Variants in BAZ2B observed in about 807,000 individuals in gnomAD.
The protein encoded by BAZ2B is bromodomain adjacent to zinc finger domain 2B.
Under a neutral mutation model 246.0 loss-of-function variants are expected in BAZ2B, and 91 were observed. The observed-to-expected ratio is 0.37, with a 90% CI of 0.31 to 0.44. BAZ2B has a LOEUF of 0.44. Among genes scored for constraint, BAZ2B ranks in the 20% least tolerant of loss-of-function variants. BAZ2B has a pLI of 1.00. For synonymous variants in BAZ2B, 855 were observed against 860.0 expected (o/e 0.99, Z 0.10); for missense variants, 2,332 against 2,533.7 (o/e 0.92, Z 1.71).
chr2:159,489,388 C>T (rs72965170), intron 2 of BAZ2B, among the ~76,000 whole-genome samples: 40,736 of 151,876 alleles, frequency 0.27, 6,893 homozygotes, highest in Non-Finnish European at 0.38. Context: ...AAATAAGCAT[C>T]GAAAAACAGT....
intron 27 of BAZ2B, 60 bp downstream of exon 27, chr2:159,372,985 C>G: frequency 6.7e-7 from 1 of 1,494,404 alleles, no homozygotes; most frequent in Non-Finnish European, 9.0e-7. Context: ...GAAGAAGTAA[C>G]AGAGTTTTAA....
intron 36 of BAZ2B, among the ~76,000 whole-genome samples, 161 bp from the exon 37 acceptor site, chr2:159,320,579 A>G (rs1405943247): frequency 6.6e-6 from 1 of 152,228 alleles, no homozygotes; most frequent in Non-Finnish European, 1.5e-5. Context: ...TGGAACATTT[A>G]AACATTTTTG....
chr2:159,709,585 T>C, the BAZ2B span, among the ~76,000 whole-genome samples: 1 of 152,220 alleles, frequency 6.6e-6, no homozygotes, highest in South Asian at 2.1e-4. Context: ...ACAAATATTA[T>C]GTATCAATAA....
the BAZ2B span, among the ~76,000 whole-genome samples, chr2:159,622,322 G>A: frequency 4.7e-5 from 7 of 147,660 alleles, no homozygotes; most frequent in African/African-American, 1.2e-4. Context: ...CTGGGTATTC[G>A]TAAGAAAAAG....
chr2:159,547,902 A>G (rs1245578807), intron 2 of BAZ2B, among the ~76,000 whole-genome samples: 1 of 152,192 alleles, frequency 6.6e-6, no homozygotes. Context: ...AAAAGAAGCT[A>G]AACTTATATC....
chr2:159,599,259 T>A (rs1184834627), intron 1 of BAZ2B, among the ~76,000 whole-genome samples: 1 of 152,166 alleles, frequency 6.6e-6, no homozygotes, highest in Non-Finnish European at 1.5e-5. Flanking sequence ...GGTCCCTGTC[T>A]TACAGGGACT....
At chr2:159,401,253 G>T (rs1165449513) in intron 16 of BAZ2B, among the ~76,000 whole-genome samples, 2 of 152,138 alleles carry the variant, frequency 1.3e-5, no homozygotes, top group South Asian at 2.1e-4. Flanking sequence ...ATAGATATTT[G>T]CAGTTACAAA....
intron 2 of BAZ2B, among the ~76,000 whole-genome samples, chr2:159,489,738 C>A (rs1032097240): frequency 1.3e-5 from 2 of 151,842 alleles, no homozygotes; most frequent in Admixed American, 1.3e-4. Flanking sequence ...CCCATCCCTA[C>A]TAAATTTAAA....
At chr2:159,387,578 G>A (rs115098435) in intron 21 of BAZ2B, among the ~76,000 whole-genome samples, 1 of 152,044 alleles carries the variant, frequency 6.6e-6, no homozygotes, top group South Asian at 2.1e-4. Context: ...ATAGATAATA[G>A]CTCATCTCAT....
intron 30 of BAZ2B, 130 bp downstream of exon 30, chr2:159,348,548 A>G (rs1559049251): frequency 9.1e-7 from 1 of 1,095,322 alleles, no homozygotes; most frequent in East Asian, 2.6e-5. Flanking sequence ...TTGATCTGCG[A>G]TTGGTTGAAT....
At chr2:159,351,706 C>T (rs1446550702) in intron 27 of BAZ2B, among the ~76,000 whole-genome samples, 1 of 152,120 alleles carries the variant, frequency 6.6e-6, no homozygotes, top group African/African-American at 2.4e-5. Context: ...GGCTGAATAT[C>T]TTTTCATAGG....
At chr2:159,702,559 T>C in the BAZ2B span, among the ~76,000 whole-genome samples, 1 of 152,162 alleles carries the variant, frequency 6.6e-6, no homozygotes, top group African/African-American at 2.4e-5. Context: ...TTATCAGTAA[T>C]AACAAAATAG....
chr2:159,471,642 G>C (rs2077815714), intron 3 of BAZ2B, among the ~76,000 whole-genome samples: 1 of 152,026 alleles, frequency 6.6e-6, no homozygotes, highest in African/African-American at 2.4e-5. Context: ...TTTAGGATGG[G>C]TGATACTAAG....
chr2:159,594,027 T>C (rs1578743519), intron 1 of BAZ2B, among the ~76,000 whole-genome samples: 2 of 152,314 alleles, frequency 1.3e-5, no homozygotes, highest in Admixed American at 1.3e-4. Context: ...CCACTATCCA[T>C]TTCCAGGCCT....
At chr2:159,703,856 C>T in the BAZ2B span, among the ~76,000 whole-genome samples, 7 of 152,242 alleles carry the variant, frequency 4.6e-5, no homozygotes, top group South Asian at 1.5e-3. Flanking sequence ...CAGAACAAGA[C>T]CCTGTCTCAA....
chr2:159,388,053 C>T (rs2062842061), intron 21 of BAZ2B, among the ~76,000 whole-genome samples: 1 of 151,836 alleles, frequency 6.6e-6, no homozygotes, highest in Non-Finnish European at 1.5e-5. Flanking sequence ...GTGCAGCACA[C>T]CAGCAGGGCA....
intron 1 of BAZ2B, among the ~76,000 whole-genome samples, chr2:159,606,910 A>C (rs1247851293): frequency 7.2e-6 from 1 of 138,580 alleles, no homozygotes; most frequent in Non-Finnish European, 1.5e-5. Context: ...ACTCTTTTTT[A>C]GTGGGATTTC....
chr2:159,443,003 G>C (rs1056761501), intron 6 of BAZ2B, among the ~76,000 whole-genome samples: 3 of 152,176 alleles, frequency 2.0e-5, no homozygotes, highest in Non-Finnish European at 2.9e-5. Flanking sequence ...TGGGTATACA[G>C]ATACCTCTTT....
intron 25 of BAZ2B, among the ~76,000 whole-genome samples, chr2:159,379,092 C>T (rs2061708473): frequency 6.6e-6 from 1 of 152,008 alleles, no homozygotes; most frequent in Middle Eastern, 3.2e-3. Flanking sequence ...GAAAGCAACC[C>T]AAGTGTCCAC....
Sources: gnomAD v4.1 joint callset for allele counts (sites outside exome capture counted in the v4.1 genomes callset) on GRCh38, gnomAD v4.1.1 for gene constraint, MANE v1.5 for transcripts, NCBI Gene and HGNC (gene_info 2026-07-23, HGNC 2026-07-21) for gene names.